The following ARHGEF3 variants were observed in gnomAD, a reference collection of about 807,000 sequenced individuals.
ARHGEF3 encodes Rho guanine nucleotide exchange factor 3.
A neutral mutation model predicts 63.2 loss-of-function variants in ARHGEF3; 28 were observed. The observed-to-expected ratio is 0.44, with a 90% CI of 0.33 to 0.61. The LOEUF is 0.61. Among genes scored for constraint, ARHGEF3 ranks in the 20% least tolerant of loss-of-function variants. The probability of loss-of-function intolerance (pLI) is 0.03; values close to 1 mark genes in which losing one functional copy is unlikely to be tolerated. For synonymous variants in ARHGEF3, 266 were observed against 254.2 expected, an observed-to-expected ratio of 1.05 and a Z score of -0.44; for missense variants, 533 against 659.3, an observed-to-expected ratio of 0.81 and a Z score of 2.10.
chr3:56,879,292 A>G (rs61602812), intron 4 of ARHGEF3, among the ~76,000 whole-genome samples: 6,344 of 152,280 alleles, frequency 0.042, 157 homozygotes, highest in South Asian at 0.13. Flanking sequence ...GACCACTGCT[A>G]TAGGGCACTT....
Position 57,067,285 on chromosome 3 carries a change from T to A in ARHGEF3, c.-28+11941A>T, listed in dbSNP as rs368021406. Among the ~76,000 whole-genome samples, 6 of 150,822 alleles carry A rather than the reference T, an allele frequency of 4.0e-5. No homozygotes were observed. The East Asian group carries it at 6.0e-4, about 15-fold the overall frequency. On this transcript the variant is annotated intron_variant, in intron 1 of 12. Coordinates refer to the ARHGEF3 transcript ENST00000338458. ...GCTAACACGGTGAAACCCTGTCTCTTCTAAAAATACAAAAACAAAATTAGC... is the reference window on the plus strand; with the variant it reads ...GCTAACACGGTGAAACCCTGTCTCTACTAAAAATACAAAAACAAAATTAGC...
At chr3:56,873,223 G>T (rs797002240) in intron 4 of ARHGEF3, among the ~76,000 whole-genome samples, 15,821 of 147,200 alleles carry the variant, frequency 0.11, 974 homozygotes, top group Admixed American at 0.13. Flanking sequence ...TGCTATGTTT[G>T]TTTTTTTTTT....
chr3:57,012,366 C>A (rs1702738874), intron 2 of ARHGEF3, among the ~76,000 whole-genome samples: 1 of 152,114 alleles, frequency 6.6e-6, no homozygotes, highest in African/African-American at 2.4e-5. Flanking sequence ...TTAAGTGATT[C>A]TCTTGCCTCA....
At chr3:56,808,004 G>C (rs184887283) in intron 4 of ARHGEF3, among the ~76,000 whole-genome samples, 2 of 152,036 alleles carry the variant, frequency 1.3e-5, no homozygotes, top group Admixed American at 1.3e-4. Flanking sequence ...GGTGCCTGTA[G>C]TCCTAGATAC....
chr3:56,872,700 GA>G (rs2040469179), intron 4 of ARHGEF3, among the ~76,000 whole-genome samples: 2 of 152,032 alleles, frequency 1.3e-5, no homozygotes, highest in African/African-American at 4.8e-5. Flanking sequence ...AGTAAAGACA[GA>G]GTTTCACCAT....
chr3:56,983,962 C>T (rs1156715245), intron 2 of ARHGEF3, among the ~76,000 whole-genome samples: 4 of 144,608 alleles, frequency 2.8e-5, no homozygotes, highest in Non-Finnish European at 6.1e-5. Flanking sequence ...AAAAGACTGG[C>T]TATCCCAGCT....
At chr3:56,756,837 C>T (rs1427864453) in intron 2 of ARHGEF3, among the ~76,000 whole-genome samples, 1 of 152,202 alleles carries the variant, frequency 6.6e-6, no homozygotes, top group Non-Finnish European at 1.5e-5. Context: ...GCATGAGCCA[C>T]TGTGTCCGGC....
At chr3:56,837,904 A>G (rs1578643320) in intron 4 of ARHGEF3, among the ~76,000 whole-genome samples, 2 of 152,194 alleles carry the variant, frequency 1.3e-5, no homozygotes, top group Admixed American at 6.5e-5. Context: ...AGAAACTTAC[A>G]TATTTCTAAC....
intron 2 of ARHGEF3, among the ~76,000 whole-genome samples, chr3:57,011,089 G>C (rs1434190925): frequency 6.6e-6 from 1 of 152,224 alleles, no homozygotes; most frequent in East Asian, 1.9e-4. Flanking sequence ...ACCCCTGCGT[G>C]TAGGAGCTAT....
intron 4 of ARHGEF3, among the ~76,000 whole-genome samples, chr3:56,874,643 C>T (rs1238179995): frequency 6.6e-6 from 1 of 152,124 alleles, no homozygotes; most frequent in Non-Finnish European, 1.5e-5. Context: ...CTGGAGTGCA[C>T]AGTTAATGGA....
At chr3:56,737,842 G>T (rs2033732358) in intron 7 of ARHGEF3, among the ~76,000 whole-genome samples, 1 of 152,014 alleles carries the variant, frequency 6.6e-6, no homozygotes, top group Non-Finnish European at 1.5e-5. Context: ...AACAATATTT[G>T]CAGATTGGGT....
chr3:57,032,494 A>C (rs974672359), intron 2 of ARHGEF3, among the ~76,000 whole-genome samples: 3 of 152,240 alleles, frequency 2.0e-5, no homozygotes, highest in African/African-American at 7.2e-5. Flanking sequence ...GGTAGAAACC[A>C]GGGATCCATG....
intron 2 of ARHGEF3, among the ~76,000 whole-genome samples, chr3:56,984,170 T>C (rs1184254842): frequency 2.6e-5 from 4 of 152,138 alleles, no homozygotes; most frequent in African/African-American, 9.7e-5. Context: ...CTGCCATCCA[T>C]GCATGGAAGT....
At chr3:57,007,474 C>A in intron 2 of ARHGEF3, 2 of 839,856 alleles carry the variant, frequency 2.4e-6, no homozygotes, top group South Asian at 3.3e-5. Flanking sequence ...AGGCAGGCAT[C>A]TTGGTTTTCT....
chr3:56,983,246 A>T (rs34128471), intron 2 of ARHGEF3, among the ~76,000 whole-genome samples: 20,190 of 152,040 alleles, frequency 0.13, 1,776 homozygotes, highest in Non-Finnish European at 0.19. Context: ...TCAGTTCAAT[A>T]TTTTAAAAAA....
chr3:56,845,205 C>A (rs993406053), intron 4 of ARHGEF3, among the ~76,000 whole-genome samples: 2 of 152,206 alleles, frequency 1.3e-5, no homozygotes, highest in African/African-American at 4.8e-5. Context: ...GAGACCATAA[C>A]CCTGGCCAAC....
intron 2 of ARHGEF3, among the ~76,000 whole-genome samples, chr3:57,028,693 A>T (rs1412187695): frequency 2.7e-4 from 14 of 50,982 alleles, no homozygotes; most frequent in Admixed American, 1.6e-3. Context: ...AAAGTATAAT[A>T]AAAAAAAAAT....
At chr3:56,923,064 AT>A (rs2042188850) in intron 3 of ARHGEF3, among the ~76,000 whole-genome samples, 2 of 30,886 alleles carry the variant, frequency 6.5e-5, no homozygotes, top group Admixed American at 3.2e-4. Flanking sequence ...ATATATATAT[AT>A]ATATATATAT....
chr3:56,875,125 T>C lies in ARHGEF3; in HGVS notation c.192+7167A>G, dbSNP rs376690844. On this transcript the variant is annotated intron_variant, in intron 4 of 12. Coordinates refer to the ARHGEF3 transcript ENST00000338458. ...AGGCAAGTTTATAACTTCTATCCACTCCGTTTGCCTCATCTCTAAAGGGGT... is the reference window on the plus strand; with the variant it reads ...AGGCAAGTTTATAACTTCTATCCACCCCGTTTGCCTCATCTCTAAAGGGGT... Among the ~76,000 whole-genome samples the C allele has an allele frequency of 7.9e-5, 12 of 152,254 alleles. No individual in the cohort carries two copies. The East Asian group carries it at 2.1e-3, about 27-fold the overall frequency.
Sources: gnomAD v4.1 joint callset for allele counts (sites outside exome capture counted in the v4.1 genomes callset) on GRCh38, gnomAD v4.1.1 for gene constraint, MANE v1.5 for transcripts, NCBI Gene and HGNC (gene_info 2026-07-23, HGNC 2026-07-21) for gene names.